Variants in COL10A1 observed in about 807,000 individuals in gnomAD.
The protein encoded by COL10A1 is collagen type X alpha 1 chain.
In COL10A1, 10 loss-of-function variants were observed where a neutral mutation model predicts 18.2. The ratio of observed to expected loss-of-function variants is 0.55; its 90% CI spans 0.34 to 0.93. The LOEUF (loss-of-function observed/expected upper bound fraction) is 0.93. Among genes scored for constraint, COL10A1 ranks in the 40% least tolerant of loss-of-function variants. COL10A1 has a pLI of 0.02. For synonymous variants in COL10A1, 330 were observed against 316.6 expected, an observed-to-expected ratio of 1.04 and a Z score of -0.45; for missense variants, 897 against 853.5, an observed-to-expected ratio of 1.05 and a Z score of -0.64.
chr6:116,196,431 A>AT, the COL10A1 span, among the ~76,000 whole-genome samples: 2 of 151,978 alleles, frequency 1.3e-5, no homozygotes, highest in Non-Finnish European at 1.5e-5. Context: ...TCTTTTCTAA[A>AT]TTTTTCCCCA....
the COL10A1 span, among the ~76,000 whole-genome samples, chr6:116,184,874 T>G: frequency 1.3e-5 from 2 of 152,098 alleles, no homozygotes; most frequent in Non-Finnish European, 1.5e-5. Flanking sequence ...TGTTTCAATT[T>G]TTAGCTTTGC....
chr6:116,203,143 A>C, the COL10A1 span, among the ~76,000 whole-genome samples: 6 of 152,092 alleles, frequency 3.9e-5, no homozygotes, highest in Admixed American at 3.9e-4. Flanking sequence ...CAAATTACCA[A>C]GTGGTTGCTT....
chr6:116,179,801 A>G, the COL10A1 span, among the ~76,000 whole-genome samples: 2 of 152,102 alleles, frequency 1.3e-5, no homozygotes, highest in Non-Finnish European at 2.9e-5. Context: ...AGGATAACTT[A>G]GAGTAATCTT....
chr6:116,173,730 A>G, the COL10A1 span, among the ~76,000 whole-genome samples: 36 of 152,272 alleles, frequency 2.4e-4, no homozygotes, highest in Non-Finnish European at 1.3e-4. Context: ...CCCTAAATGT[A>G]TAGAAAAATG....
chr6:116,183,073 A>C, the COL10A1 span, among the ~76,000 whole-genome samples: 1 of 151,936 alleles, frequency 6.6e-6, no homozygotes, highest in Non-Finnish European at 1.5e-5. Flanking sequence ...ATGAGGATCC[A>C]TTTCGTTCTT....
the COL10A1 span, among the ~76,000 whole-genome samples, chr6:116,184,615 G>A: frequency 1.3e-5 from 2 of 151,906 alleles, no homozygotes; most frequent in Non-Finnish European, 2.9e-5. Flanking sequence ...TAAACTAGGA[G>A]GGTTGTATAT....
At chr6:116,176,951 A>C in the COL10A1 span, among the ~76,000 whole-genome samples, 16 of 152,240 alleles carry the variant, frequency 1.1e-4, no homozygotes, top group African/African-American at 3.6e-4. Flanking sequence ...AAAGTTTATA[A>C]GAACTTTAGA....
chr6:116,192,717 A>G, the COL10A1 span, among the ~76,000 whole-genome samples: 3 of 152,090 alleles, frequency 2.0e-5, no homozygotes, highest in Admixed American at 2.0e-4. Context: ...TAAAACTTCA[A>G]CTAACCAGAA....
At chr6:116,132,180 A>G (rs1779485276) in intron 1 of COL10A1, among the ~76,000 whole-genome samples, 2 of 152,282 alleles carry the variant, frequency 1.3e-5, no homozygotes, top group African/African-American at 2.4e-5. Flanking sequence ...GGAGAGAGTC[A>G]TAGAATGGGG....
chr6:116,131,491 A>G (rs1430117366), intron 1 of COL10A1, among the ~76,000 whole-genome samples: 2 of 152,186 alleles, frequency 1.3e-5, no homozygotes, highest in South Asian at 2.1e-4. Flanking sequence ...CTTGACCTGA[A>G]CTGCAGCTTT....
At chr6:116,176,787 A>G in the COL10A1 span, among the ~76,000 whole-genome samples, 1 of 152,158 alleles carries the variant, frequency 6.6e-6, no homozygotes, top group South Asian at 2.1e-4. Context: ...ACTGTGGGCT[A>G]GGAGGATTTG....
chr6:116,178,415 C>T, the COL10A1 span, among the ~76,000 whole-genome samples: 875 of 152,278 alleles, frequency 5.7e-3, 17 homozygotes, highest in South Asian at 0.046. Flanking sequence ...AATCTGTAAA[C>T]ATCTCTATGT....
chr6:116,186,188 A>AG, the COL10A1 span, among the ~76,000 whole-genome samples: 1 of 152,108 alleles, frequency 6.6e-6, no homozygotes, highest in Admixed American at 6.6e-5. Flanking sequence ...AGGAGAACAA[A>AG]GGTAGGACCC....
upstream of COL10A1, among the ~76,000 whole-genome samples, chr6:116,161,429 G>A (rs189588427): frequency 1.4e-4 from 22 of 152,044 alleles, no homozygotes; most frequent in African/African-American, 3.9e-4. Context: ...AAAAGAAATA[G>A]GGGTCCAGTT....
chr6:116,204,821 T>G, the COL10A1 span, among the ~76,000 whole-genome samples: 1 of 151,986 alleles, frequency 6.6e-6, no homozygotes, highest in Non-Finnish European at 1.5e-5. Context: ...AGTAGAACAA[T>G]GAATAGTGTG....
In COL10A1 at chr6:116,125,352, G is replaced by C. The variant is rs754619889; in HGVS notation, c.141C>G (p.Thr47=). ...NTKTQFFIPY[T]IKSKGIAVRG... ...AATTCAATTTACCTTTACTCTTTAT[G>C]GTGTAGGGAATGAAGAACTGTGTCT... Residue 47 remains threonine (T), a synonymous_variant, in exon 2 of 3, where the codon ACC becomes ACG. Transcript: ENST00000651968. 1 of 1,613,628 alleles carries C rather than the reference G, an allele frequency of 6.2e-7. No individual in the cohort carries two copies. The highest frequency in any genetic ancestry group is 1.1e-5 in the South Asian group (1 of 91,040).
At chr6:116,123,643 TCTTA>T (rs1164790766) in intron 2 of COL10A1, among the ~76,000 whole-genome samples, 1 of 152,228 alleles carries the variant, frequency 6.6e-6, no homozygotes, top group African/African-American at 2.4e-5. Context: ...CAACTTAATG[TCTTA>T]CTTGTATAGA....
rs1779056691 is a variant in COL10A1, at chr6:116,119,911, C to T, written c.*162G>A. ...TCACATACGTTTTTACGTTGCTGCT[C>T]ACTTTTCAGGGGGAAGGTTTGTTGG... On this transcript the variant is annotated 3_prime_UTR_variant, in exon 3 of 3. Coordinates refer to ENST00000651968, the MANE Select transcript of COL10A1 (RefSeq NM_000493.4). The T allele has an allele frequency of 1.4e-6, 1 of 691,012 alleles. No homozygotes were observed. The highest frequency in any genetic ancestry group is 1.8e-5 in the South Asian group (1 of 55,606). The allele number at this position is 691,012 out of a possible 1,614,324, so 42.8% of individuals were successfully genotyped here.
chr6:116,171,861 A>G, the COL10A1 span, among the ~76,000 whole-genome samples: 4 of 152,184 alleles, frequency 2.6e-5, no homozygotes, highest in Non-Finnish European at 5.9e-5. Context: ...AGGTACTTAA[A>G]CAGTTGTCTT....
Sources: gnomAD v4.1 joint callset for allele counts (sites outside exome capture counted in the v4.1 genomes callset) on GRCh38, gnomAD v4.1.1 for gene constraint, MANE v1.5 for transcripts, NCBI Gene and HGNC (gene_info 2026-07-23, HGNC 2026-07-21) for gene names.